PLPP3: variants seen among roughly 807,000 people sequenced by gnomAD.
PLPP3 encodes the protein phospholipid phosphatase 3, also known as PAP2 beta.
In PLPP3, 6 loss-of-function variants were observed where a neutral mutation model predicts 29.6. The ratio of observed to expected loss-of-function variants is 0.20; its 90% CI spans 0.11 to 0.40. The LOEUF (loss-of-function observed/expected upper bound fraction) is 0.40. Among genes scored for constraint, PLPP3 ranks in the 10% least tolerant of loss-of-function variants. PLPP3 has a pLI of 1.00. For missense variants in PLPP3, 308 were observed against 407.7 expected, an observed-to-expected ratio of 0.76 and a Z score of 2.11; for synonymous variants, 152 against 159.7, an observed-to-expected ratio of 0.95 and a Z score of 0.36.
intron 1 of PLPP3, 46 bp downstream of exon 1, chr1:56,578,832 A>G (rs1646256350): frequency 3.4e-6 from 5 of 1,487,794 alleles, no homozygotes; most frequent in African/African-American, 1.5e-5. Context: ...ACGCGCGCCG[A>G]GGGACGAGGG....
chr1:56,579,220 C>T lies in PLPP3; in HGVS notation c.-204G>A. 1.8e-6 allele frequency: 1 copy of T among 567,394 alleles called. No homozygotes were observed. The allele number at this position is 567,394 out of a possible 1,614,324, so 35.1% of individuals were successfully genotyped here. A position where few individuals can be genotyped will look rare whatever the true frequency, so the allele number is the denominator to read the frequency against. On this transcript the variant is annotated 5_prime_UTR_variant, in exon 1 of 6. Coordinates refer to ENST00000371250, the MANE Select transcript of PLPP3 (RefSeq NM_003713.5). ...TGGTGTTTTCTGCTCCTCCTGCGCGCCTCTGCTTTCCTCTGTCAACCCTAA... is the reference window on the plus strand; with the variant it reads ...TGGTGTTTTCTGCTCCTCCTGCGCGTCTCTGCTTTCCTCTGTCAACCCTAA...
At chr1:56,509,354 C>T (rs1017711469) in intron 5 of PLPP3, among the ~76,000 whole-genome samples, 3 of 152,162 alleles carry the variant, frequency 2.0e-5, no homozygotes, top group Non-Finnish European at 2.9e-5. Flanking sequence ...GCTTCTGTTT[C>T]GGGTTAACTG....
intron 1 of PLPP3, among the ~76,000 whole-genome samples, chr1:56,545,060 T>C (rs1037007475): frequency 6.6e-6 from 1 of 152,256 alleles, no homozygotes; most frequent in Non-Finnish European, 1.5e-5. Flanking sequence ...TATTTATCTT[T>C]CAAGACTTAA....
rs567663110 is a variant in PLPP3, at chr1:56,503,689, C to A, written c.811-7013G>T. On this transcript the variant is annotated intron_variant, in intron 5 of 5. Coordinates refer to ENST00000371250, the MANE Select transcript of PLPP3 (RefSeq NM_003713.5). ...AGTGAAACTCCATCTCCAAAAAAAA[C>A]CAAAAAAAATCCACCTACCTGTGGT... Among the ~76,000 whole-genome samples, 314 of 152,072 alleles carry A rather than the reference C, an allele frequency of 2.1e-3. 1 individual carries two copies. The highest frequency in any genetic ancestry group is 6.6e-3 in the African/African-American group (272 of 41,500).
At chr1:56,537,214 A>G (rs2100266211) in intron 1 of PLPP3, 102 bp from the exon 2 acceptor site, 1 of 1,267,398 alleles carries the variant, frequency 7.9e-7, no homozygotes, top group Non-Finnish European at 1.1e-6. Context: ...ACCATCCCAA[A>G]TATCACTGAG....
In PLPP3 at chr1:56,524,005, T is replaced by A. The variant is rs1322336001; in HGVS notation, c.576-125A>T. On this transcript the variant is annotated intron_variant, in intron 3 of 5. Transcript: ENST00000371250. This position sits in a 1 kb window ranked among gnomAD's most constrained non-coding sequence, Gnocchi z 4.3. Reference sequence around the variant, plus strand: ...GCACTAGGCCCTGTTCATTTTTGCATCCTTGGTAGTGCTTTGGACCCATGC... The same window carrying A: ...GCACTAGGCCCTGTTCATTTTTGCAACCTTGGTAGTGCTTTGGACCCATGC... 1 of 1,147,726 alleles carries A rather than the reference T, an allele frequency of 8.7e-7. No homozygotes were observed. Among genetic ancestry groups the A allele is most frequent in the Admixed American group, 2.4e-5 (1 of 42,514 alleles). The allele number at this position is 1,147,726 out of a possible 1,614,324, so 71.1% of individuals were successfully genotyped here. A position where few individuals can be genotyped will look rare whatever the true frequency, so the allele number is the denominator to read the frequency against.
chr1:56,520,980 T>A (rs1388558617), intron 4 of PLPP3, among the ~76,000 whole-genome samples: 1 of 147,542 alleles, frequency 6.8e-6, no homozygotes, highest in African/African-American at 2.5e-5. Flanking sequence ...ACATCTGTAG[T>A]CCCAGCACTT....
At chr1:56,505,210 C>T (rs1197387644) in intron 5 of PLPP3, among the ~76,000 whole-genome samples, 2 of 152,236 alleles carry the variant, frequency 1.3e-5, no homozygotes, top group East Asian at 1.9e-4. Flanking sequence ...CAATATGTTG[C>T]ATGTGCCAAG....
At chr1:56,535,669 A>G (rs891058326) in intron 2 of PLPP3, among the ~76,000 whole-genome samples, 1 of 152,194 alleles carries the variant, frequency 6.6e-6, no homozygotes, top group African/African-American at 2.4e-5. Flanking sequence ...GGCAAGCAGC[A>G]AGCGAAGAGC....
chr1:56,578,914 G>A lies in PLPP3; in HGVS notation c.103C>T (p.Leu35=). The A allele has an allele frequency of 6.2e-7, 1 of 1,602,914 alleles. No homozygotes were observed. The highest frequency in any genetic ancestry group is 8.5e-7 in the Non-Finnish European group (1 of 1,176,102). The change falls in exon 1 of 6, where the codon CTG becomes TTG. Residue 35 remains leucine (L), a synonymous_variant. Transcript: ENST00000371250. ...CAGAAGAGGTCGAGGCAGATGAGCA[G>A]CACCCGCTTGCTGCCGCTCCTCCTC... ...NPRRSGSKRV[L]LICLDLFCLF...
intron 1 of PLPP3, among the ~76,000 whole-genome samples, chr1:56,558,135 T>C (rs1461556937): frequency 6.6e-6 from 1 of 152,226 alleles, no homozygotes; most frequent in African/African-American, 2.4e-5. Context: ...TTTTAAGAGT[T>C]GCAAAAACAA....
chr1:56,513,373 C>G (rs1042991060), intron 4 of PLPP3: 2 of 152,670 alleles, frequency 1.3e-5, no homozygotes, highest in African/African-American at 4.8e-5. Flanking sequence ...AGAGGAACTT[C>G]CGACTACAAA....
At chr1:56,510,796 T>G (rs1645736032) in intron 5 of PLPP3, among the ~76,000 whole-genome samples, 1 of 152,206 alleles carries the variant, frequency 6.6e-6, no homozygotes, top group Non-Finnish European at 1.5e-5. Context: ...TGAGAGGCCT[T>G]GATAAGATAG....
intron 1 of PLPP3, among the ~76,000 whole-genome samples, chr1:56,564,213 A>C (rs574208254): frequency 6.6e-6 from 1 of 152,300 alleles, no homozygotes; most frequent in East Asian, 1.9e-4. Flanking sequence ...CTCATCTATA[A>C]AACCAGTTAG....
chr1:56,508,922 C>T (rs1365109200), intron 5 of PLPP3, among the ~76,000 whole-genome samples: 1 of 152,176 alleles, frequency 6.6e-6, no homozygotes. Flanking sequence ...CAACAGAATC[C>T]TGGGAGCTTA....
intron 2 of PLPP3, among the ~76,000 whole-genome samples, chr1:56,533,979 T>C (rs1284698331): frequency 6.6e-6 from 1 of 152,206 alleles, no homozygotes; most frequent in Non-Finnish European, 1.5e-5. Context: ...CATCCGTGAC[T>C]CAACCATGCA....
chr1:56,567,415 TGAGATGGAG>T (rs1646168449), intron 1 of PLPP3, among the ~76,000 whole-genome samples: 1 of 130,992 alleles, frequency 7.6e-6, no homozygotes. Context: ...TTTTTTTTTT[TGAGATGGAG>T]TCTCGCTCTG....
At chr1:56,539,983 A>G (rs1334370911) in intron 1 of PLPP3, among the ~76,000 whole-genome samples, 1 of 152,054 alleles carries the variant, frequency 6.6e-6, no homozygotes, top group East Asian at 1.9e-4. Context: ...CCACTCTCAG[A>G]CCTCCAGCTT....
At position 56,524,983 on chromosome 1, in the gene PLPP3, T is replaced by C. The variant is rs1645844033; in HGVS notation, c.298-429A>G. Among the ~76,000 whole-genome samples, 1 of 152,120 alleles carries C rather than the reference T, an allele frequency of 6.6e-6. No individual in the cohort carries two copies. The highest frequency in any genetic ancestry group is 6.5e-5 in the Admixed American group (1 of 15,272). Reference sequence around the variant, plus strand: ...ATTTGGGGTAAAGGATCACCAACAATGACCTGACTCTAGTAAGGGCCTCAG... The same window carrying C: ...ATTTGGGGTAAAGGATCACCAACAACGACCTGACTCTAGTAAGGGCCTCAG... On this transcript the variant is annotated intron_variant, in intron 2 of 5. Coordinates refer to ENST00000371250, the MANE Select transcript of PLPP3 (RefSeq NM_003713.5). The surrounding 1 kb of genome is among the most constrained non-coding windows in gnomAD (Gnocchi z 4.3).
Sources: allele counts gnomAD v4.1 joint callset (sites outside exome capture counted in the v4.1 genomes callset), GRCh38; gene constraint gnomAD v4.1.1; non-coding constraint Gnocchi (gnomAD v3.1); transcripts MANE v1.5; gene names NCBI Gene and HGNC (gene_info 2026-07-23, HGNC 2026-07-21).